Variants in LINGO2 observed in about 807,000 individuals in gnomAD.
The protein encoded by LINGO2 is leucine-rich repeat and immunoglobulin-like domain-containing nogo receptor-interacting protein 2.
Under a neutral mutation model 30.6 loss-of-function variants are expected in LINGO2, and 14 were observed. That is an observed-to-expected ratio of 0.46 (90% CI 0.30 to 0.72). The LOEUF is 0.72. Among genes scored for constraint, LINGO2 ranks in the 30% least tolerant of loss-of-function variants. LINGO2 has a pLI of 0.07. For missense variants in LINGO2, 729 were observed against 751.7 expected (o/e 0.97, Z 0.35); for synonymous variants, 317 against 288.5 (o/e 1.10, Z -1.00).
At chr9:28,271,699 G>A (rs1044657875) in intron 4 of LINGO2, among the ~76,000 whole-genome samples, 1 of 152,096 alleles carries the variant, frequency 6.6e-6, no homozygotes, top group Admixed American at 6.5e-5. Context: ...ATTCTGAATG[G>A]TGAAGAAGGA....
chr9:29,159,354 C>G, the LINGO2 span, among the ~76,000 whole-genome samples: 178 of 152,294 alleles, frequency 1.2e-3, no homozygotes, highest in African/African-American at 4.2e-3. Flanking sequence ...CCCACTCATT[C>G]TCATCCCATC....
chr9:27,984,834 C>T (rs1367342002), intron 5 of LINGO2, among the ~76,000 whole-genome samples: 3 of 151,792 alleles, frequency 2.0e-5, no homozygotes, highest in African/African-American at 7.3e-5. Context: ...TTAGTATTAT[C>T]TCCATTTTAT....
At chr9:28,820,232 G>A in the LINGO2 span, among the ~76,000 whole-genome samples, 1 of 143,756 alleles carries the variant, frequency 7.0e-6, no homozygotes, top group Non-Finnish European at 1.5e-5. Context: ...AAGGGCACGT[G>A]CTGGAGAAAA....
chr9:28,262,730 T>A (rs1439493759), intron 4 of LINGO2, among the ~76,000 whole-genome samples: 1 of 151,954 alleles, frequency 6.6e-6, no homozygotes, highest in African/African-American at 2.4e-5. Flanking sequence ...GATTTTTTGA[T>A]GTATAGAGAA....
chr9:28,182,191 C>T (rs1819369549), intron 4 of LINGO2, among the ~76,000 whole-genome samples: 1 of 152,122 alleles, frequency 6.6e-6, no homozygotes, highest in Non-Finnish European at 1.5e-5. Context: ...TTCGACAAAC[C>T]TGGCAAAAAC....
chr9:28,945,250 T>C, the LINGO2 span, among the ~76,000 whole-genome samples: 1 of 152,144 alleles, frequency 6.6e-6, no homozygotes, highest in Admixed American at 6.6e-5. Context: ...AGAACTAGAA[T>C]GAGGATTTGA....
intron 4 of LINGO2, among the ~76,000 whole-genome samples, chr9:28,089,282 A>G (rs547371938): frequency 2.3e-4 from 35 of 152,270 alleles, no homozygotes; most frequent in African/African-American, 7.9e-4. Flanking sequence ...GCACCACATC[A>G]CACTTATTCC....
chr9:28,423,200 C>T (rs908478396), intron 2 of LINGO2, among the ~76,000 whole-genome samples: 1 of 151,946 alleles, frequency 6.6e-6, no homozygotes, highest in Admixed American at 6.6e-5. Context: ...TGTATTCCAC[C>T]ACAATTTTTT....
At chr9:28,862,404 A>C in the LINGO2 span, among the ~76,000 whole-genome samples, 1 of 152,146 alleles carries the variant, frequency 6.6e-6, no homozygotes, top group African/African-American at 2.4e-5. Context: ...ATTTATACAC[A>C]TATATTTTAA....
intron 1 of LINGO2, among the ~76,000 whole-genome samples, chr9:28,631,310 A>T (rs1287686443): frequency 2.7e-5 from 2 of 75,198 alleles, no homozygotes; most frequent in African/African-American, 9.9e-5. Flanking sequence ...ACCTCCCCCC[A>T]CCCCCACCCC....
chr9:28,136,015 G>A (rs538120647), intron 4 of LINGO2, among the ~76,000 whole-genome samples: 110 of 152,304 alleles, frequency 7.2e-4, no homozygotes, highest in African/African-American at 2.6e-3. Context: ...CTGATGGCTA[G>A]AGGAAGGTGA....
rs116725746 is a variant in LINGO2 at position 28,387,497 on chromosome 9, C to G, written c.-278-14629G>C. On this transcript the variant is annotated intron_variant, in intron 2 of 5. Coordinates refer to ENST00000379992, the Ensembl canonical transcript of LINGO2. ...GCAGCAACCTCCTGGGGGCCCCTTC[C>G]ACGTTGTAGAAGCCTTTTTCTTTTG... 4.1e-3 allele frequency among the ~76,000 whole-genome samples: 621 copies of G among 152,308 alleles called. 2 individuals carry two copies. Among genetic ancestry groups the G allele is most frequent in the African/African-American group, 0.015 (603 of 41,570 alleles).
downstream of LINGO2, among the ~76,000 whole-genome samples, chr9:27,946,928 T>C (rs1373235664): frequency 5.9e-5 from 9 of 152,124 alleles, no homozygotes; most frequent in African/African-American, 1.9e-4. Flanking sequence ...CCTACTTTTA[T>C]TGGGGTCAAT....
chr9:28,393,864 A>G (rs1821936515), intron 2 of LINGO2, among the ~76,000 whole-genome samples: 1 of 152,206 alleles, frequency 6.6e-6, no homozygotes, highest in Non-Finnish European at 1.5e-5. Context: ...AATGGAAGTT[A>G]GTAGATAAAT....
At chr9:28,876,662 T>G in the LINGO2 span, among the ~76,000 whole-genome samples, 1 of 152,180 alleles carries the variant, frequency 6.6e-6, no homozygotes, top group East Asian at 1.9e-4. Context: ...GCTGGACATT[T>G]GGGTTGGTTC....
chr9:28,909,051 G>C, the LINGO2 span, among the ~76,000 whole-genome samples: 9 of 151,948 alleles, frequency 5.9e-5, no homozygotes, highest in South Asian at 1.9e-3. Context: ...AGTTGTATCT[G>C]GGCCTGTTTA....
the LINGO2 span, among the ~76,000 whole-genome samples, chr9:28,788,688 G>C: frequency 6.6e-6 from 1 of 152,274 alleles, no homozygotes; most frequent in East Asian, 1.9e-4. Flanking sequence ...GAAAGGAGAA[G>C]TGCTCAGTGA....
At chr9:29,111,516 CAT>C in the LINGO2 span, among the ~76,000 whole-genome samples, 1 of 151,740 alleles carries the variant, frequency 6.6e-6, no homozygotes, top group East Asian at 1.9e-4. Context: ...CACATATATA[CAT>C]ATGTGTAATT....
chr9:28,037,179 G>T lies in LINGO2; in HGVS notation c.-86-24774C>A, dbSNP rs148332931. ...AAATAACCACATAATCACAACCTGT[G>T]TCTACTCCAGGTACGGAGACAACTC... is the stretch of plus-strand genomic sequence containing the variant. On this transcript the variant is annotated intron_variant, in intron 4 of 5. Transcript: ENST00000379992. Among the ~76,000 whole-genome samples, 297 of 152,282 alleles carry T rather than the reference G, an allele frequency of 2.0e-3. 2 individuals are homozygous for T. The highest frequency in any genetic ancestry group is 0.014 in the Middle Eastern group (4 of 294).
Sources: gnomAD v4.1 joint callset for allele counts (sites outside exome capture counted in the v4.1 genomes callset) on GRCh38, gnomAD v4.1.1 for gene constraint, MANE v1.5 for transcripts, NCBI Gene and HGNC (gene_info 2026-07-23, HGNC 2026-07-21) for gene names.